VPS13C: variants seen among roughly 807,000 people sequenced by gnomAD.
VPS13C encodes vacuolar protein sorting 13 homolog C.
VPS13C carries 358 observed loss-of-function variants against 456.8 expected under a neutral mutation model. That is an observed-to-expected ratio of 0.78 (90% CI 0.72 to 0.86). The LOEUF (loss-of-function observed/expected upper bound fraction) is 0.86. VPS13C is among the 40% of genes least tolerant of loss of function. VPS13C has a pLI of 0.00. For synonymous variants in VPS13C, 1,578 were observed against 1,486.7 expected, an observed-to-expected ratio of 1.06 and a Z score of -1.41; for missense variants, 4,818 against 4,385.4, an observed-to-expected ratio of 1.10 and a Z score of -2.79.
intron 28 of VPS13C, 78 bp downstream of exon 28, chr15:61,969,221 A>T: frequency 2.9e-6 from 3 of 1,028,526 alleles, no homozygotes; most frequent in Admixed American, 2.8e-5. Context: ...TATAAATACA[A>T]TATAAATGAA....
Position 61,958,706 on chromosome 15 carries a change from T to C in VPS13C, c.4067A>G (p.Asn1356Ser). 6.6e-7 allele frequency: 1 copy of C among 1,506,396 alleles called. No individual in the cohort carries two copies. The highest frequency in any genetic ancestry group is 9.0e-7 in the Non-Finnish European group (1 of 1,115,234). The allele number at this position is 1,506,396 out of a possible 1,614,324, so 93.3% of individuals were successfully genotyped here. The change falls in exon 37 of 85, where the codon AAT becomes AGT. Residue 1356 changes from asparagine (N) to serine (S), a missense_variant. By Grantham distance (46) the Asn-to-Ser change is conservative. Coordinates refer to ENST00000644861, the MANE Select transcript of VPS13C (RefSeq NM_020821.3). ...GHLDSMNVSL[N>S]QEDLNLLFRI... ...AAATAAAAGATTAAGATCTTCTTGA[T>C]TTAGACTAACCTGTAAAATATTATG...
intron 18 of VPS13C, among the ~76,000 whole-genome samples, chr15:61,988,947 TA>T (rs1287730805): frequency 6.6e-6 from 1 of 151,942 alleles, no homozygotes; most frequent in African/African-American, 2.4e-5. Flanking sequence ...TAAGACAATA[TA>T]AAACTTCTAG....
rs180956302 is a variant in VPS13C at position 61,914,975 on chromosome 15, G to A, written c.8445+658C>T. ...CCACTACTCCTGTACAAACACGGAT[G>A]GGATGTCTAGGCCCATTTTAAATGG... On this transcript the variant is annotated intron_variant, in intron 61 of 84. Transcript: ENST00000644861. Among the ~76,000 whole-genome samples the A allele has an allele frequency of 3.3e-5, 5 of 151,510 alleles. No individual in the cohort carries two copies. The East Asian group carries it at 9.7e-4, about 30-fold the overall frequency.
chr15:61,883,449 G>T (rs1177201115), intron 68 of VPS13C, among the ~76,000 whole-genome samples: 1 of 152,048 alleles, frequency 6.6e-6, no homozygotes, highest in Non-Finnish European at 1.5e-5. Flanking sequence ...ATTGGTGGGG[G>T]TGCTGGGGAA....
chr15:62,001,431 C>A (rs1335844414), intron 15 of VPS13C, among the ~76,000 whole-genome samples: 1 of 152,152 alleles, frequency 6.6e-6, no homozygotes, highest in East Asian at 1.9e-4. Flanking sequence ...AGTTCTATAA[C>A]TGAAATCATA....
intron 37 of VPS13C, among the ~76,000 whole-genome samples, chr15:61,957,937 T>C (rs1333065024): frequency 1.3e-5 from 2 of 152,014 alleles, no homozygotes; most frequent in Non-Finnish European, 2.9e-5. Context: ...ACTGTTAATA[T>C]TTTTTTAAAA....
chr15:61,884,915 C>T (rs973616231), intron 67 of VPS13C, among the ~76,000 whole-genome samples: 3 of 152,052 alleles, frequency 2.0e-5, no homozygotes, highest in Non-Finnish European at 4.4e-5. Context: ...TTAAATTCTT[C>T]TCTTGATATT....
At chr15:61,856,687 CT>C (rs542779595) in intron 82 of VPS13C, 8,761 of 114,550 alleles carry the variant, frequency 0.076, 51 homozygotes, top group Middle Eastern at 0.1. Context: ...TTTTTCTTTT[CT>C]TTTTTTTTTT....
intron 28 of VPS13C, among the ~76,000 whole-genome samples, 184 bp from the exon 29 acceptor site, chr15:61,967,631 T>C (rs955055020): frequency 4.6e-5 from 7 of 152,140 alleles, no homozygotes; most frequent in African/African-American, 1.7e-4. Flanking sequence ...TTGTTACCTC[T>C]GACATCCAAC....
In VPS13C at chr15:62,035,016, T is replaced by A; in HGVS notation, c.224A>T (p.Tyr75Phe). The A allele has an allele frequency of 6.2e-7, 1 of 1,606,550 alleles. No individual in the cohort carries two copies. The highest frequency in any genetic ancestry group is 8.5e-7 in the Non-Finnish European group (1 of 1,175,618). The change falls in exon 4 of 85, where the codon TAT (tyrosine) becomes TTT (phenylalanine). Residue 75 changes from tyrosine to phenylalanine, a missense_variant. By Grantham distance (22) the Tyr-to-Phe change is conservative (BLOSUM62 3). Coordinates refer to ENST00000644861, the MANE Select transcript of VPS13C (RefSeq NM_020821.3). Reference protein sequence around the residue: ...LTLKIPWKNLYGEAVVATLEG... With the variant: ...LTLKIPWKNLFGEAVVATLEG... ...CAGGGTCGCAACAACTGCTTCTCCA[T>A]AAAGGTTCTTCCAAGGAATCTTCAA...
intron 42 of VPS13C, among the ~76,000 whole-genome samples, chr15:61,947,725 C>T (rs1227207535): frequency 6.6e-6 from 1 of 151,804 alleles, no homozygotes; most frequent in Non-Finnish European, 1.5e-5. Context: ...ATGGTGATGC[C>T]CAGTTAATAA....
Position 61,920,315 on chromosome 15 carries a change from G to A in VPS13C, c.7229C>T (p.Thr2410Ile), listed in dbSNP as rs1297870197. 6.3e-7 allele frequency: 1 copy of A among 1,599,224 alleles called. No individual in the cohort carries two copies. Among genetic ancestry groups the A allele is most frequent in the Admixed American group, 1.7e-5 (1 of 58,876 alleles). Residue 2410 changes from threonine to isoleucine, a missense_variant, in exon 57 of 85, where the codon ACT becomes ATT. Around this residue, in one of 3 missense-constraint regions of VPS13C, gnomAD observed 4,552 missense variants for 4,130.6 expected, o/e 1.10. Coordinates refer to ENST00000644861, the MANE Select transcript of VPS13C (RefSeq NM_020821.3). Reference protein sequence around the residue: ...NNLAKGFSEGTASTFDYSLKD... With the variant: ...NNLAKGFSEGIASTFDYSLKD... ...TAAAGAGTAGTCAAAAGTAGAAGCAGTGCCCTCTGAAAAACCCTGAAAAGG... is the reference window on the plus strand; with the variant it reads ...TAAAGAGTAGTCAAAAGTAGAAGCAATGCCCTCTGAAAAACCCTGAAAAGG...
intron 53 of VPS13C, 146 bp from the exon 54 acceptor site, chr15:61,922,908 A>G (rs2043709525): frequency 1.4e-6 from 1 of 720,598 alleles, no homozygotes; most frequent in Middle Eastern, 4.6e-4. Flanking sequence ...ACTAATTTAA[A>G]TTTTGAATAA....
intron 81 of VPS13C, chr15:61,866,734 T>C (rs1000741664): frequency 3.0e-6 from 3 of 985,208 alleles, no homozygotes; most frequent in African/African-American, 3.5e-5. Context: ...TTTGTATATC[T>C]AGCACACGCT....
rs76571402 is a variant in VPS13C at position 61,963,995 on chromosome 15, C to T, written c.3215-44G>A. On this transcript the variant is annotated intron_variant, in intron 31 of 84. Coordinates refer to ENST00000644861, the MANE Select transcript of VPS13C (RefSeq NM_020821.3). ...ATCTGTCACATGGTGAGATTCTAGT[C>T]ATCTACATTCTTTTAAGGTTTATTC... 2.5e-3 allele frequency: 3,102 copies of T among 1,261,710 alleles called. 68 individuals are homozygous for T. In the African/African-American group the frequency reaches 0.042, roughly 17 times the overall value. The allele number at this position is 1,261,710 out of a possible 1,614,324, so 78.2% of individuals were successfully genotyped here. A position where few individuals can be genotyped will look rare whatever the true frequency, so the allele number is the denominator to read the frequency against.
rs1172993673 is a variant in VPS13C, at chr15:62,007,354, T to C, written c.1244A>G (p.Lys415Arg). The C allele has an allele frequency of 1.9e-6, 3 of 1,612,544 alleles. No individual in the cohort carries two copies. The highest frequency in any genetic ancestry group is 2.5e-6 in the Non-Finnish European group (3 of 1,179,482). ...TTCTGAGACTTTAGACTGTGTTAAC[T>C]TGTTTTTGTAGGCAATTTTATAACT... ...LKSYKIAYKN[K>R]LTQSKVSEEI... The change falls in exon 15 of 85, where the codon AAG becomes AGG. Residue 415 changes from lysine to arginine, a missense_variant. This residue lies in a region of VPS13C where 4,552 missense variants were observed against 4,130.6 expected (regional missense o/e 1.10). Coordinates refer to ENST00000644861, the MANE Select transcript of VPS13C (RefSeq NM_020821.3).
At chr15:62,018,151 T>C (rs2047325868) in intron 9 of VPS13C, among the ~76,000 whole-genome samples, 1 of 152,204 alleles carries the variant, frequency 6.6e-6, no homozygotes, top group Non-Finnish European at 1.5e-5. Flanking sequence ...CCTGAGACTT[T>C]GCTGAAGTTG....
chr15:61,883,397 G>A lies in VPS13C; in HGVS notation c.9484-661C>T, dbSNP rs545449336. On this transcript the variant is annotated intron_variant, in intron 68 of 84. Transcript: ENST00000644861. ...AATAATTGAGAGCTTAGTCACGTCT[G>A]ACATGAATTATATAGTTTTTTATCA... Among the ~76,000 whole-genome samples the A allele has an allele frequency of 1.1e-4, 17 of 152,156 alleles. No homozygotes were observed. In the South Asian group the frequency reaches 2.9e-3, roughly 26 times the overall value.
intron 6 of VPS13C, among the ~76,000 whole-genome samples, chr15:62,025,455 C>T (rs1222274900): frequency 1.3e-5 from 2 of 151,996 alleles, no homozygotes; most frequent in African/African-American, 4.8e-5. Context: ...CAAAGAAATA[C>T]CATTTGAAAA....
Sources: gnomAD v4.1 joint callset for allele counts (sites outside exome capture counted in the v4.1 genomes callset) on GRCh38, gnomAD v4.1.1 for gene constraint, gnomAD v4.1.1 regional missense constraint, MANE v1.5 for transcripts, NCBI Gene and HGNC (gene_info 2026-07-23, HGNC 2026-07-21) for gene names.